The following STXBP6 variants were observed in gnomAD, a reference collection of about 807,000 sequenced individuals.
STXBP6 encodes syntaxin binding protein 6.
A neutral mutation model predicts 26.9 loss-of-function variants in STXBP6; 21 were observed. The ratio of observed to expected loss-of-function variants is 0.78; its 90% CI spans 0.55 to 1.12. The LOEUF is 1.12. Among genes scored for constraint, STXBP6 ranks in the 50% most tolerant of loss-of-function variants. The pLI, the probability that STXBP6 is intolerant of heterozygous loss-of-function variation, is 0.00. For missense variants in STXBP6, 232 were observed against 257.9 expected (o/e 0.90, Z 0.69); for synonymous variants, 97 against 92.6 (o/e 1.05, Z -0.27).
intron 2 of STXBP6, among the ~76,000 whole-genome samples, chr14:24,866,355 T>C (rs1051806074): frequency 6.6e-6 from 1 of 152,084 alleles, no homozygotes; most frequent in Non-Finnish European, 1.5e-5. Context: ...TATATATATG[T>C]GTGTGGGTGT....
intron 4 of STXBP6, among the ~76,000 whole-genome samples, chr14:24,839,922 T>C (rs2068738292): frequency 6.6e-6 from 1 of 152,238 alleles, no homozygotes; most frequent in African/African-American, 2.4e-5. Context: ...GGCAAGTCAG[T>C]TCTCAGCCCT....
chr14:24,867,881 C>T (rs920511960), intron 2 of STXBP6, among the ~76,000 whole-genome samples: 3 of 152,104 alleles, frequency 2.0e-5, no homozygotes, highest in Non-Finnish European at 4.4e-5. Flanking sequence ...ACTGTGAGAA[C>T]ATATTTGCAA....
chr14:25,029,073 T>C (rs758455335), intron 1 of STXBP6, among the ~76,000 whole-genome samples: 12 of 152,156 alleles, frequency 7.9e-5, no homozygotes, highest in Non-Finnish European at 1.5e-4. Flanking sequence ...GTGAACATTG[T>C]TGAAGCGACA....
intron 2 of STXBP6, among the ~76,000 whole-genome samples, chr14:24,887,578 C>G (rs1410355971): frequency 6.6e-6 from 1 of 152,050 alleles, no homozygotes; most frequent in Non-Finnish European, 1.5e-5. Context: ...GCTGTAGGCA[C>G]CAGGGATGAA....
intron 1 of STXBP6, among the ~76,000 whole-genome samples, chr14:24,984,984 G>A (rs2074295663): frequency 6.6e-6 from 1 of 152,178 alleles, no homozygotes; most frequent in Non-Finnish European, 1.5e-5. Context: ...AGGTAAAACA[G>A]GACAAATTCA....
intron 5 of STXBP6, chr14:24,816,155 C>T (rs1188387914): frequency 2.0e-5 from 3 of 152,268 alleles, no homozygotes; most frequent in Admixed American, 6.5e-5. Flanking sequence ...TGCCACCTGG[C>T]ATTGCCATTT....
intron 2 of STXBP6, among the ~76,000 whole-genome samples, chr14:24,915,018 C>T (rs1193749029): frequency 6.6e-5 from 10 of 152,132 alleles, no homozygotes; most frequent in Non-Finnish European, 2.9e-5. Context: ...TTTGGTTCAA[C>T]ATTGTCTTTT....
At chr14:24,862,086 C>T (rs2069559486) in intron 2 of STXBP6, among the ~76,000 whole-genome samples, 1 of 152,182 alleles carries the variant, frequency 6.6e-6, no homozygotes, top group Admixed American at 6.5e-5. Flanking sequence ...CAGCCTCAAT[C>T]TCCTGGGCTC....
intron 2 of STXBP6, among the ~76,000 whole-genome samples, chr14:24,964,311 C>T (rs1161196462): frequency 1.3e-5 from 2 of 152,154 alleles, no homozygotes; most frequent in Non-Finnish European, 2.9e-5. Flanking sequence ...CCAGAGGGGG[C>T]ACATGCTCAT....
At chr14:24,889,114 G>A (rs2070696255) in intron 2 of STXBP6, among the ~76,000 whole-genome samples, 2 of 151,744 alleles carry the variant, frequency 1.3e-5, no homozygotes, top group South Asian at 4.2e-4. Context: ...TGAAGTCCCA[G>A]GTAACAACAC....
chr14:24,991,010 G>A (rs1235888885), intron 1 of STXBP6, among the ~76,000 whole-genome samples: 3 of 151,042 alleles, frequency 2.0e-5, no homozygotes, highest in African/African-American at 7.3e-5. Context: ...GAGAGTAGGA[G>A]GAGAGAGAAA....
chr14:24,856,518 T>C (rs1482838873), intron 3 of STXBP6, among the ~76,000 whole-genome samples: 3 of 152,220 alleles, frequency 2.0e-5, no homozygotes, highest in African/African-American at 7.2e-5. Flanking sequence ...TATTCTTCAT[T>C]ATTAGCATTT....
intron 1 of STXBP6, among the ~76,000 whole-genome samples, chr14:25,022,479 C>T (rs1322208125): frequency 1.3e-5 from 2 of 152,184 alleles, no homozygotes; most frequent in Non-Finnish European, 2.9e-5. Context: ...GGGTCACACA[C>T]TTCATCTAGG....
intron 2 of STXBP6, among the ~76,000 whole-genome samples, chr14:24,913,543 G>A (rs555198929): frequency 1.3e-5 from 2 of 152,214 alleles, no homozygotes; most frequent in South Asian, 2.1e-4. Context: ...GTATGTGTCC[G>A]AGGCTACTTT....
At chr14:24,846,375 C>CTGTT (rs2068961647) in intron 4 of STXBP6, among the ~76,000 whole-genome samples, 1 of 152,092 alleles carries the variant, frequency 6.6e-6, no homozygotes. Flanking sequence ...ATTTTTCTTT[C>CTGTT]TGTTTGTATC....
chr14:24,865,320 G>C (rs1761507255), intron 2 of STXBP6, among the ~76,000 whole-genome samples: 2 of 152,118 alleles, frequency 1.3e-5, no homozygotes, highest in South Asian at 4.1e-4. Context: ...AATTGTACTA[G>C]TTTACTGCTT....
At chr14:24,967,508 T>C (rs1181383595) in intron 2 of STXBP6, among the ~76,000 whole-genome samples, 5 of 152,250 alleles carry the variant, frequency 3.3e-5, no homozygotes, top group Non-Finnish European at 5.9e-5. Context: ...AATGTGTCTG[T>C]GCACATATCC....
At position 25,045,661 on chromosome 14, in the gene STXBP6, T is replaced by C. The variant is rs372569436; in HGVS notation, c.-33+4217A>G. On this transcript the variant is annotated intron_variant, in intron 1 of 5. Transcript: ENST00000323944. The stretch of plus-strand genomic sequence containing the variant: ...TCTTGTTGCCCAGGCTGGAGTGCAA[T>C]GGCACGATCTCGGCTCACTGCAACC... Among the ~76,000 whole-genome samples, 7 of 150,124 alleles carry C rather than the reference T, an allele frequency of 4.7e-5. No homozygotes were observed. The East Asian group carries it at 7.9e-4, about 17-fold the overall frequency.
At chr14:24,838,545 G>A (rs528919937) in intron 4 of STXBP6, among the ~76,000 whole-genome samples, 80 of 152,152 alleles carry the variant, frequency 5.3e-4, no homozygotes, top group Admixed American at 4.6e-4. Context: ...TTAGCCAGGC[G>A]TGGTGGCTCG....
Sources: gnomAD v4.1 joint callset for allele counts (sites outside exome capture counted in the v4.1 genomes callset) on GRCh38, gnomAD v4.1.1 for gene constraint, MANE v1.5 for transcripts, NCBI Gene and HGNC (gene_info 2026-07-23, HGNC 2026-07-21) for gene names.